The following MAP3K1 variants were observed in gnomAD, a reference collection of about 807,000 sequenced individuals.
MAP3K1 encodes the protein mitogen-activated protein kinase kinase kinase 1, also known as MAP/ERK kinase kinase 1.
Under a neutral mutation model 144.2 loss-of-function variants are expected in MAP3K1, and 36 were observed. The observed-to-expected ratio is 0.25, with a 90% CI of 0.19 to 0.33. MAP3K1 has a LOEUF of 0.33. Ranked by LOEUF, MAP3K1 falls within the 10% of genes least tolerant of loss-of-function variation. MAP3K1 has a pLI of 1.00. For missense variants in MAP3K1, 1,650 were observed against 1,881.9 expected (o/e 0.88, Z 2.28); for synonymous variants, 718 against 688.7 (o/e 1.04, Z -0.67).
chr5:56,870,954 T>C (rs1239746360), intron 6 of MAP3K1, among the ~76,000 whole-genome samples: 11 of 152,200 alleles, frequency 7.2e-5, no homozygotes, highest in Admixed American at 7.2e-4. Flanking sequence ...CAGCAGTCTA[T>C]ATGAGAACCT....
At position 56,815,680 on chromosome 5, in the gene MAP3K1, C is replaced by T; in HGVS notation, c.107C>T (p.Ala36Val). The change falls in exon 1 of 20, where the codon GCG becomes GTG. Residue 36 changes from alanine (A) to valine (V), a missense_variant. Physicochemically the swap from Ala to Val is moderately conservative, Grantham distance 64 (BLOSUM62 0). Transcript: ENST00000399503. The stretch of plus-strand genomic sequence containing the variant: ...GGAGGAGCCCTCAAGGCGAGCAGCG[C>T]GCCCGCGGCTGCCGCGGGACTGCTG... Reference protein sequence around the residue: ...GGGGALKASSAPAAAAGLLRE... With the variant: ...GGGGALKASSVPAAAAGLLRE... 1.5e-6 allele frequency: 2 copies of T among 1,303,424 alleles called. No individual in the cohort carries two copies. The highest frequency in any genetic ancestry group is 3.1e-5 in the East Asian group (1 of 31,762). The allele number at this position is 1,303,424 out of a possible 1,614,324, so 80.7% of individuals were successfully genotyped here.
rs757988388 is a variant in MAP3K1, at chr5:56,884,844, A to G, written c.3982+18A>G. On this transcript the variant is annotated intron_variant, in intron 16 of 19. Coordinates refer to ENST00000399503, the MANE Select transcript of MAP3K1 (RefSeq NM_005921.2). ...GATGGCAGGTATGTTAATGTTTTAA[A>G]TTACAAAATAGTAGTACGTGGATTT... 1.9e-6 allele frequency: 3 copies of G among 1,610,416 alleles called. No homozygotes were observed. The East Asian group carries it at 6.7e-5, about 36-fold the overall frequency.
In MAP3K1 at chr5:56,881,974, A is replaced by G. The variant is rs1748225046; in HGVS notation, c.2774A>G (p.Glu925Gly). The G allele has an allele frequency of 3.1e-6, 5 of 1,614,000 alleles. No individual in the cohort carries two copies. The highest frequency in any genetic ancestry group is 4.2e-6 in the Non-Finnish European group (5 of 1,180,042). The stretch of plus-strand genomic sequence containing the variant: ...GCTACAAAATTGAGTGCCAGTTCAG[A>G]GGACATTTCTGAGAGACTGGCCAGC... ...LCATKLSASS[E>G]DISERLASIS... The change falls in exon 14 of 20, where the codon GAG becomes GGG. Residue 925 changes from glutamate (E) to glycine (G), a missense_variant. Coordinates refer to ENST00000399503, the MANE Select transcript of MAP3K1 (RefSeq NM_005921.2).
At chr5:56,843,186 AC>A (rs1405711868) in intron 1 of MAP3K1, among the ~76,000 whole-genome samples, 2 of 151,752 alleles carry the variant, frequency 1.3e-5, no homozygotes, top group African/African-American at 2.4e-5. Flanking sequence ...CAGTCTCTTC[AC>A]CCCCCACCCA....
intron 16 of MAP3K1, among the ~76,000 whole-genome samples, chr5:56,885,113 A>G (rs1343629183): frequency 6.6e-6 from 1 of 152,170 alleles, no homozygotes; most frequent in Non-Finnish European, 1.5e-5. Flanking sequence ...GTATATTTCC[A>G]GGTAGCCATG....
chr5:56,881,365 A>G, intron 13 of MAP3K1, 93 bp downstream of exon 13: 4 of 1,178,162 alleles, frequency 3.4e-6, no homozygotes, highest in South Asian at 1.3e-5. Flanking sequence ...TGAAAGACTC[A>G]GAGCATGAAT....
intron 2 of MAP3K1, among the ~76,000 whole-genome samples, chr5:56,858,002 C>A (rs1281847950): frequency 2.0e-5 from 3 of 152,178 alleles, no homozygotes; most frequent in African/African-American, 7.2e-5. Flanking sequence ...TTATTACTCA[C>A]GTGAGGTGGT....
chr5:56,842,290 C>T (rs1746837789), intron 1 of MAP3K1: 1 of 152,160 alleles, frequency 6.6e-6, no homozygotes, highest in African/African-American at 2.4e-5. Flanking sequence ...GTTATAATAA[C>T]AGCATAGTGG....
intron 8 of MAP3K1, 36 bp downstream of exon 8, chr5:56,872,758 T>G (rs1747893654): frequency 6.2e-7 from 1 of 1,604,146 alleles, no homozygotes; most frequent in Admixed American, 1.7e-5. Flanking sequence ...ATGTTTAATT[T>G]TTAAAAATTT....
chr5:56,874,327 C>G (rs903485195), intron 9 of MAP3K1, among the ~76,000 whole-genome samples: 3 of 152,106 alleles, frequency 2.0e-5, no homozygotes, highest in Non-Finnish European at 4.4e-5. Context: ...GACCATTCAC[C>G]CTTTCCTCAC....
At chr5:56,828,128 T>A (rs976387407) in intron 1 of MAP3K1, among the ~76,000 whole-genome samples, 1 of 152,218 alleles carries the variant, frequency 6.6e-6, no homozygotes, top group Non-Finnish European at 1.5e-5. Context: ...GCTGTGCTAC[T>A]TATCACTAGG....
At chr5:56,878,370 C>T (rs1320404820) in intron 10 of MAP3K1, among the ~76,000 whole-genome samples, 1 of 152,082 alleles carries the variant, frequency 6.6e-6, no homozygotes, top group Non-Finnish European at 1.5e-5. Flanking sequence ...TCGATGGATG[C>T]AGCAAACCAC....
chr5:56,858,954 A>G (rs1044559442), intron 2 of MAP3K1, among the ~76,000 whole-genome samples: 4 of 151,678 alleles, frequency 2.6e-5, no homozygotes, highest in East Asian at 3.9e-4. Flanking sequence ...GCAACTGGCT[A>G]TAGAACAGGA....
chr5:56,832,702 T>C lies in MAP3K1; in HGVS notation c.482+16647T>C, dbSNP rs1475668846. ...TAAGTTTGTTTAATCAGAGCACAAA[T>C]TTTATTATCTTGGAAAAATTATTCA... On this transcript the variant is annotated intron_variant, in intron 1 of 19. Transcript: ENST00000399503. Among the ~76,000 whole-genome samples the C allele has an allele frequency of 3.3e-5, 5 of 152,312 alleles. No homozygotes were observed. The East Asian group carries it at 5.8e-4, about 18-fold the overall frequency.
chr5:56,864,062 A>G (rs1476757343), intron 3 of MAP3K1, among the ~76,000 whole-genome samples: 1 of 152,170 alleles, frequency 6.6e-6, no homozygotes, highest in African/African-American at 2.4e-5. Context: ...TTGGATTTTT[A>G]GTTTTTACTA....
At chr5:56,867,823 T>G (rs1162996995) in intron 6 of MAP3K1, among the ~76,000 whole-genome samples, 2 of 152,202 alleles carry the variant, frequency 1.3e-5, no homozygotes, top group South Asian at 4.1e-4. Flanking sequence ...TCTCATAGTA[T>G]TATGGTGAAA....
intron 1 of MAP3K1, among the ~76,000 whole-genome samples, chr5:56,830,426 C>T (rs1310719205): frequency 6.6e-6 from 1 of 152,012 alleles, no homozygotes; most frequent in Non-Finnish European, 1.5e-5. Context: ...ATACTACCTA[C>T]CCCACCCCCA....
intron 1 of MAP3K1, among the ~76,000 whole-genome samples, chr5:56,850,492 T>C (rs1176514213): frequency 6.6e-6 from 1 of 152,256 alleles, no homozygotes; most frequent in Non-Finnish European, 1.5e-5. Context: ...TTAATTATTA[T>C]AATTAATCAA....
intron 6 of MAP3K1, among the ~76,000 whole-genome samples, chr5:56,868,540 A>G (rs1035156531): frequency 3.9e-5 from 6 of 152,062 alleles, no homozygotes; most frequent in Admixed American, 3.9e-4. Flanking sequence ...GCCTGCCACC[A>G]TGCCCAGCTA....
Sources: allele counts gnomAD v4.1 joint callset (sites outside exome capture counted in the v4.1 genomes callset), GRCh38; gene constraint gnomAD v4.1.1; transcripts MANE v1.5; gene names NCBI Gene and HGNC (gene_info 2026-07-23, HGNC 2026-07-21).